GSG1L: variants seen among roughly 807,000 people sequenced by gnomAD.
GSG1L encodes germ cell-specific gene 1-like protein.
GSG1L carries 24 observed loss-of-function variants against 42.1 expected under a neutral mutation model. The observed-to-expected ratio is 0.57, with a 90% CI of 0.41 to 0.80. GSG1L has a LOEUF of 0.80. Among genes scored for constraint, GSG1L ranks in the 30% least tolerant of loss-of-function variants. The pLI is 0.00. For synonymous variants in GSG1L, 215 were observed against 203.5 expected (o/e 1.06, Z -0.48); for missense variants, 445 against 472.2 (o/e 0.94, Z 0.53).
At chr16:27,901,033 C>T (rs1446541815) in intron 2 of GSG1L, among the ~76,000 whole-genome samples, 1 of 152,124 alleles carries the variant, frequency 6.6e-6, no homozygotes, top group Non-Finnish European at 1.5e-5. Context: ...GTGGCTGAGG[C>T]AGGAGAATTC....
At chr16:27,845,082 C>T in intron 3 of GSG1L, 21 bp from the exon 4 acceptor site, 1 of 1,555,484 alleles carries the variant, frequency 6.4e-7, no homozygotes, top group Non-Finnish European at 8.9e-7. Flanking sequence ...GAGAGCAGAG[C>T]AAAGCGTCAG....
intron 3 of GSG1L, among the ~76,000 whole-genome samples, chr16:27,861,010 G>T (rs537321878): frequency 6.6e-6 from 1 of 152,318 alleles, no homozygotes; most frequent in Admixed American, 6.5e-5. Context: ...ATGCAGGGGG[G>T]TTGGCGTGAG....
chr16:27,836,960 C>T (rs911288933), intron 4 of GSG1L, among the ~76,000 whole-genome samples: 2 of 152,186 alleles, frequency 1.3e-5, no homozygotes, highest in African/African-American at 4.8e-5. Context: ...AGTTGGCTTC[C>T]TTTCACATCA....
chr16:27,921,980 T>C lies in GSG1L; in HGVS notation c.398-37342A>G, dbSNP rs137912064. ...CTTTTCTCTCTCTCTGTTTTTATTG[T>C]TGTTGTTGTTGTTTGTTGTCTTTTT... On this transcript the variant is annotated intron_variant, in intron 2 of 6. Coordinates refer to ENST00000447459, the MANE Select transcript of GSG1L (RefSeq NM_001109763.2). Among the ~76,000 whole-genome samples the C allele has an allele frequency of 3.8e-3, 557 of 148,082 alleles. 5 individuals are homozygous for C. The highest frequency in any genetic ancestry group is 0.013 in the African/African-American group (528 of 40,544).
intron 3 of GSG1L, among the ~76,000 whole-genome samples, chr16:27,869,520 CATCT>C (rs769080683): frequency 8.1e-6 from 1 of 123,198 alleles, no homozygotes; most frequent in Non-Finnish European, 1.7e-5. Flanking sequence ...TGTCTCCATC[CATCT>C]CTCTCTCCTC....
Position 28,063,219 on chromosome 16 carries a change from GCGGC to G in GSG1L, c.202_205del (p.Ala68ProfsTer124). 1 of 1,251,358 alleles carries G rather than the reference GCGGC, an allele frequency of 8.0e-7. No homozygotes were observed. Among genetic ancestry groups the G allele is most frequent in the South Asian group, 3.0e-5 (1 of 33,040 alleles). The allele number at this position is 1,251,358 out of a possible 1,614,324, so 77.5% of individuals were successfully genotyped here. On this transcript the variant is annotated frameshift_variant, in exon 1 of 7. Transcript: ENST00000447459. LOFTEE classifies it high-confidence loss of function. This position sits in a 1 kb window ranked among gnomAD's most constrained non-coding sequence, Gnocchi z 5.8. ...CGAGGCGGTGGCGGCGGCGGCGGCG[GCGGC>G]GGGGGCGGCGGTGCCGTTGGCCGTG...
chr16:27,900,324 G>A lies in GSG1L; in HGVS notation c.398-15686C>T, dbSNP rs142725436. Among the ~76,000 whole-genome samples the A allele has an allele frequency of 3.2e-4, 49 of 152,352 alleles. 1 individual carries two copies. The highest frequency in any genetic ancestry group is 2.2e-3 in the Admixed American group (33 of 15,312). On this transcript the variant is annotated intron_variant, in intron 2 of 6. Transcript: ENST00000447459. ...TCCACAACCACTCTATGCCTTGGGTGCTATTACCATCTCCACGTCATGGAG... is the reference window on the plus strand; with the variant it reads ...TCCACAACCACTCTATGCCTTGGGTACTATTACCATCTCCACGTCATGGAG...
chr16:27,992,715 C>T (rs1449315354), intron 1 of GSG1L, among the ~76,000 whole-genome samples: 1 of 152,162 alleles, frequency 6.6e-6, no homozygotes, highest in Non-Finnish European at 1.5e-5. Context: ...TTCTGTCCTC[C>T]CTTGACATAC....
intron 1 of GSG1L, among the ~76,000 whole-genome samples, chr16:28,027,750 C>T (rs1018028173): frequency 2.0e-5 from 3 of 151,996 alleles, no homozygotes; most frequent in South Asian, 2.1e-4. Context: ...GGCCAGGCAC[C>T]GTGGCTCAAG....
intron 5 of GSG1L, among the ~76,000 whole-genome samples, chr16:27,828,403 T>C (rs1447334021): frequency 6.6e-6 from 1 of 152,216 alleles, no homozygotes; most frequent in Non-Finnish European, 1.5e-5. Flanking sequence ...CCTGGAGCCA[T>C]CACCAATCCC....
rs773445283 is a variant in GSG1L, at chr16:27,982,745, G to A, written c.350-19542C>T. Among the ~76,000 whole-genome samples, 9 of 152,150 alleles carry A rather than the reference G, an allele frequency of 5.9e-5. No homozygotes were observed. In the East Asian group the frequency reaches 9.6e-4, roughly 16 times the overall value. On this transcript the variant is annotated intron_variant, in intron 1 of 6. Coordinates refer to ENST00000447459, the MANE Select transcript of GSG1L (RefSeq NM_001109763.2). ...GTTGGAAGGTGAAGGGGGAGTAGGC[G>A]TATCACATGGTGAGAGCAGGAGCAA...
At chr16:27,902,451 G>T (rs990917340) in intron 2 of GSG1L, among the ~76,000 whole-genome samples, 1 of 152,174 alleles carries the variant, frequency 6.6e-6, no homozygotes, top group East Asian at 1.9e-4. Flanking sequence ...TGCCAAGGGG[G>T]AATCTGGCTT....
At chr16:27,865,580 C>CAT (rs2083712500) in intron 3 of GSG1L, among the ~76,000 whole-genome samples, 1 of 104,518 alleles carries the variant, frequency 9.6e-6, no homozygotes, top group Non-Finnish European at 1.9e-5. Context: ...TATACACACA[C>CAT]ACATACATAC....
At chr16:27,840,876 T>G (rs1354072152) in intron 4 of GSG1L, among the ~76,000 whole-genome samples, 1 of 152,068 alleles carries the variant, frequency 6.6e-6, no homozygotes, top group Non-Finnish European at 1.5e-5. Context: ...GCCAGTGTCA[T>G]GAGGTGCCAC....
At chr16:28,011,680 G>A (rs1229902232) in intron 1 of GSG1L, among the ~76,000 whole-genome samples, 1 of 152,136 alleles carries the variant, frequency 6.6e-6, no homozygotes, top group South Asian at 2.1e-4. Context: ...GTGCCTTCAC[G>A]GCCATCGAGG....
intron 3 of GSG1L, among the ~76,000 whole-genome samples, chr16:27,854,329 G>GGGA (rs1187045415): frequency 7.6e-6 from 1 of 131,358 alleles, no homozygotes; most frequent in Non-Finnish European, 1.6e-5. Flanking sequence ...AAGGAAAAGG[G>GGGA]GGAGGAGGAG....
At chr16:27,828,025 C>T (rs914225182) in intron 5 of GSG1L, among the ~76,000 whole-genome samples, 1 of 150,082 alleles carries the variant, frequency 6.7e-6, no homozygotes, top group Admixed American at 6.6e-5. Flanking sequence ...ATCCGTCCAC[C>T]TACCTATCCA....
intron 3 of GSG1L, among the ~76,000 whole-genome samples, chr16:27,859,064 G>C (rs1817713116): frequency 6.6e-6 from 1 of 151,968 alleles, no homozygotes; most frequent in Non-Finnish European, 1.5e-5. Flanking sequence ...AGGAGGTTAA[G>C]AGGTGGGTGA....
At chr16:27,914,938 T>C (rs1014439418) in intron 2 of GSG1L, among the ~76,000 whole-genome samples, 3 of 152,032 alleles carry the variant, frequency 2.0e-5, no homozygotes, top group Non-Finnish European at 4.4e-5. Context: ...GCAGGTGACA[T>C]TCTTCTGCCT....
Sources: gnomAD v4.1 joint callset for allele counts (sites outside exome capture counted in the v4.1 genomes callset) on GRCh38, gnomAD v4.1.1 for gene constraint, Gnocchi (gnomAD v3.1) non-coding constraint, MANE v1.5 for transcripts, NCBI Gene and HGNC (gene_info 2026-07-23, HGNC 2026-07-21) for gene names.